GINS1: variants seen among roughly 807,000 people sequenced by gnomAD.
GINS1 encodes the protein GINS complex subunit 1, also known as DNA replication complex GINS protein PSF1.
GINS1 carries 26 observed loss-of-function variants against 34.9 expected under a neutral mutation model. The ratio of observed to expected loss-of-function variants is 0.74; its 90% CI spans 0.55 to 1.03. The LOEUF is 1.03. Among genes scored for constraint, GINS1 ranks in the 50% least tolerant of loss-of-function variants. The pLI is 0.00. For synonymous variants in GINS1, 97 were observed against 84.4 expected, an observed-to-expected ratio of 1.15 and a Z score of -0.82; for missense variants, 235 against 237.9, an observed-to-expected ratio of 0.99 and a Z score of 0.08.
chr20:25,441,363 G>A, intron 5 of GINS1, among the ~76,000 whole-genome samples: 1 of 152,198 alleles, frequency 6.6e-6, no homozygotes, highest in Admixed American at 6.5e-5. Context: ...TAAGAAGCAG[G>A]TTGGAGCAGA....
intron 1 of GINS1, 57 bp downstream of exon 1, chr20:25,407,952 G>A (rs2090257534): frequency 1.5e-6 from 2 of 1,298,940 alleles, no homozygotes; most frequent in African/African-American, 2.9e-5. Context: ...GGGCTCTGGG[G>A]CGGGGCGGCT....
intron 5 of GINS1, among the ~76,000 whole-genome samples, chr20:25,428,330 A>G (rs888178830): frequency 7.0e-6 from 1 of 143,114 alleles, no homozygotes; most frequent in Non-Finnish European, 1.5e-5. Context: ...TAATTTTTGT[A>G]TGGTGTTAGG....
chr20:25,426,357 A>G (rs996360045), intron 5 of GINS1, among the ~76,000 whole-genome samples: 3 of 151,768 alleles, frequency 2.0e-5, no homozygotes, highest in Non-Finnish European at 2.9e-5. Context: ...TGAGGTCGGG[A>G]GTTCAAGACT....
At chr20:25,433,729 C>G (rs1372782180) in intron 5 of GINS1, among the ~76,000 whole-genome samples, 1 of 152,164 alleles carries the variant, frequency 6.6e-6, no homozygotes, top group Non-Finnish European at 1.5e-5. Flanking sequence ...TTTCAACTTA[C>G]AGCAGCTTGA....
Position 25,446,043 on chromosome 20 carries a change from C to G in GINS1, c.*52C>G, listed in dbSNP as rs2090510637. The G allele has an allele frequency of 2.1e-6, 2 of 956,400 alleles. No individual in the cohort carries two copies. The highest frequency in any genetic ancestry group is 3.2e-6 in the Non-Finnish European group (2 of 615,888). The allele number at this position is 956,400 out of a possible 1,614,324, so 59.2% of individuals were successfully genotyped here. A position where few individuals can be genotyped will look rare whatever the true frequency, so the allele number is the denominator to read the frequency against. ...CACTCAACTCATGGACTCCTCTGTACTCACTCTCTCCACCACTCCCTTCAC... is the reference window on the plus strand; with the variant it reads ...CACTCAACTCATGGACTCCTCTGTAGTCACTCTCTCCACCACTCCCTTCAC... On this transcript the variant is annotated 3_prime_UTR_variant, in exon 7 of 7. Transcript: ENST00000262460.
At chr20:25,421,015 A>G (rs940653096) in intron 4 of GINS1, 26 of 954,972 alleles carry the variant, frequency 2.7e-5, no homozygotes, top group Middle Eastern at 5.4e-4. Context: ...ATAGGAGCCT[A>G]TGAGGTCTGA....
At chr20:25,425,072 CAATT>C in intron 4 of GINS1, 135 bp from the exon 5 acceptor site, 1 of 537,194 alleles carries the variant, frequency 1.9e-6, no homozygotes, top group Non-Finnish European at 3.4e-6. Context: ...TCATAGGAGG[CAATT>C]AATATTTTAG....
In GINS1 at chr20:25,423,465, T is replaced by C. The variant is rs1195528215; in HGVS notation, c.331-1746T>C. Among the ~76,000 whole-genome samples the C allele has an allele frequency of 6.8e-4, 72 of 105,858 alleles. 1 individual carries two copies. The highest frequency in any genetic ancestry group is 4.0e-3 in the Middle Eastern group (1 of 248). 69.4% of individuals were successfully genotyped at this position (105,858 alleles called of 152,430 possible). The stretch of plus-strand genomic sequence containing the variant: ...TATTTTTCTTTTCTTTTTTTTTTTT[T>C]TTTTTTTTTTTTTTTTTTTTTGAGA... On this transcript the variant is annotated intron_variant, in intron 4 of 6. Transcript: ENST00000262460.
Position 25,418,156 on chromosome 20 carries a change from C to T in GINS1, c.291C>T (p.Val97=). 1.2e-6 allele frequency: 2 copies of T among 1,602,810 alleles called. No homozygotes were observed. Among genetic ancestry groups the T allele is most frequent in the Non-Finnish European group, 1.7e-6 (2 of 1,169,480 alleles). ...CACTCAGATGGGAATATGGTAGCGT[C>T]TTGCCAAATGCATTACGATTTCACA... is the stretch of plus-strand genomic sequence containing the variant. The part of the protein sequence containing the change: ...IRALRWEYGS[V]LPNALRFHMA... Residue 97 remains valine (V), a synonymous_variant, in exon 4 of 7, where the codon GTC becomes GTT. Coordinates refer to ENST00000262460, the MANE Select transcript of GINS1 (RefSeq NM_021067.5).
chr20:25,408,230 C>T (rs1470590324), intron 1 of GINS1, among the ~76,000 whole-genome samples: 2 of 152,150 alleles, frequency 1.3e-5, no homozygotes, highest in African/African-American at 2.4e-5. Context: ...AAAGCTAGGC[C>T]TCTGGAACCT....
chr20:25,440,536 C>T (rs1461544213), intron 5 of GINS1, among the ~76,000 whole-genome samples: 3 of 152,034 alleles, frequency 2.0e-5, no homozygotes, highest in Non-Finnish European at 2.9e-5. Flanking sequence ...TGCGGCCAGG[C>T]GTGGTGGCTC....
intron 4 of GINS1, chr20:25,419,605 T>TCAC (rs2090342564): frequency 1.3e-6 from 1 of 783,850 alleles, no homozygotes; most frequent in African/African-American, 1.9e-5. Flanking sequence ...AACAGAACAT[T>TCAC]ATGTTTCTCT....
chr20:25,442,431 T>C (rs2090487249), intron 6 of GINS1, among the ~76,000 whole-genome samples: 1 of 151,990 alleles, frequency 6.6e-6, no homozygotes, highest in African/African-American at 2.4e-5. Flanking sequence ...TTGACCATGC[T>C]AGTCTCAAAC....
At chr20:25,420,759 G>A (rs1270825935) in intron 4 of GINS1, 1 of 516,588 alleles carries the variant, frequency 1.9e-6, no homozygotes, top group African/African-American at 2.3e-5. Flanking sequence ...TCTGGTCTGG[G>A]AGAGAGAGTG....
At chr20:25,413,143 C>T (rs923776756) in intron 1 of GINS1, among the ~76,000 whole-genome samples, 39 of 151,554 alleles carry the variant, frequency 2.6e-4, no homozygotes, top group Admixed American at 4.6e-4. Context: ...CATTGCAACC[C>T]GGGTTCAAGC....
rs1489137759 is a variant in GINS1, at chr20:25,442,330, A to ATCTGTCTGTCTGTCTG, written c.522+557_522+558insGTCTGTCTGTCTGTCT. Among the ~76,000 whole-genome samples, 10 of 131,368 alleles carry ATCTGTCTGTCTGTCTG rather than the reference A, an allele frequency of 7.6e-5. 1 individual carries two copies. The highest frequency in any genetic ancestry group is 2.8e-4 in the African/African-American group (10 of 35,576). 86.2% of individuals were successfully genotyped at this position (131,368 alleles called of 152,430 possible). The stretch of plus-strand genomic sequence containing the variant: ...CCTTATAAGGAATCTTTATCCATCT[A>ATCTGTCTGTCTGTCTG]TCTATCTATCTGTCTGTCTGTCTGT... On this transcript the variant is annotated intron_variant, in intron 6 of 6. Transcript: ENST00000262460.
chr20:25,419,561 C>T (rs1344502555), intron 4 of GINS1: 2 of 387,708 alleles, frequency 5.2e-6, no homozygotes, highest in Non-Finnish European at 7.2e-6. Context: ...ATTAATTGAA[C>T]TTTGGGGTAC....
intron 6 of GINS1, among the ~76,000 whole-genome samples, chr20:25,444,897 T>C (rs985551164): frequency 3.3e-5 from 5 of 152,144 alleles, no homozygotes; most frequent in African/African-American, 9.7e-5. Flanking sequence ...AGGAGGAAAG[T>C]TGTCACTTGT....
intron 1 of GINS1, among the ~76,000 whole-genome samples, chr20:25,410,711 G>A (rs1399820041): frequency 6.6e-6 from 1 of 152,036 alleles, no homozygotes; most frequent in Non-Finnish European, 1.5e-5. Flanking sequence ...ACAGGCGCCT[G>A]CCACCATGCC....
Sources: gnomAD v4.1 joint callset for allele counts (sites outside exome capture counted in the v4.1 genomes callset) on GRCh38, gnomAD v4.1.1 for gene constraint, MANE v1.5 for transcripts, NCBI Gene and HGNC (gene_info 2026-07-23, HGNC 2026-07-21) for gene names.